The following CLXN variants were observed in gnomAD, a reference collection of about 807,000 sequenced individuals.
The protein encoded by CLXN is EF-hand calcium binding domain 1.
chr8:48,712,707 C>T, the CLXN span, among the ~76,000 whole-genome samples: 1 of 152,062 alleles, frequency 6.6e-6, no homozygotes, highest in East Asian at 1.9e-4. Flanking sequence ...TCCCACGAAA[C>T]TGAGAAAGTT....
At chr8:48,717,036 G>A in the CLXN span, among the ~76,000 whole-genome samples, 2 of 152,112 alleles carry the variant, frequency 1.3e-5, no homozygotes, top group Admixed American at 6.5e-5. Context: ...ATGGTGGCAC[G>A]TGCCTGTAAT....
At chr8:48,726,995 T>TCATCCATC in the CLXN span, among the ~76,000 whole-genome samples, 101 of 124,410 alleles carry the variant, frequency 8.1e-4, no homozygotes, top group South Asian at 2.8e-3. Flanking sequence ...ATCCATCCAC[T>TCATCCATC]CATCCATCCA....
At chr8:48,710,954 G>T in the CLXN span, 2 of 152,130 alleles carry the variant, frequency 1.3e-5, no homozygotes, top group Non-Finnish European at 2.9e-5. Flanking sequence ...TAAATGCCAT[G>T]GTTCCTACCA....
the CLXN span, among the ~76,000 whole-genome samples, chr8:48,725,847 A>G: frequency 6.6e-6 from 1 of 151,920 alleles, no homozygotes; most frequent in Non-Finnish European, 1.5e-5. Flanking sequence ...ATAAATAATA[A>G]AATTCTAATC....
chr8:48,730,847 G>A, the CLXN span, among the ~76,000 whole-genome samples: 3 of 151,998 alleles, frequency 2.0e-5, no homozygotes, highest in African/African-American at 4.8e-5. Flanking sequence ...AAATGTTTTT[G>A]TGGGAACAAA....
chr8:48,727,263 A>G, the CLXN span, among the ~76,000 whole-genome samples: 4 of 149,590 alleles, frequency 2.7e-5, no homozygotes, highest in Non-Finnish European at 4.4e-5. Context: ...TCCATCTCTC[A>G]TTACTAGACA....
At chr8:48,726,555 A>G in the CLXN span, among the ~76,000 whole-genome samples, 6 of 132,428 alleles carry the variant, frequency 4.5e-5, no homozygotes, top group African/African-American at 1.8e-4. Context: ...CCATCTACCT[A>G]CCCGCACATT....
the CLXN span, among the ~76,000 whole-genome samples, chr8:48,720,099 G>A: frequency 6.6e-6 from 1 of 152,088 alleles, no homozygotes; most frequent in Non-Finnish European, 1.5e-5. Flanking sequence ...TGTTATCTTT[G>A]TAAGCTGAAG....
At chr8:48,716,796 G>A in the CLXN span, among the ~76,000 whole-genome samples, 1 of 151,994 alleles carries the variant, frequency 6.6e-6, no homozygotes, top group Non-Finnish European at 1.5e-5. Context: ...AAAAAAGAAT[G>A]ACGAAATCCT....
the CLXN span, among the ~76,000 whole-genome samples, chr8:48,726,422 C>T: frequency 1.8e-3 from 267 of 150,978 alleles, no homozygotes; most frequent in African/African-American, 6.3e-3. Context: ...CCTCATCCAT[C>T]CATCCACTCA....
the CLXN span, among the ~76,000 whole-genome samples, chr8:48,733,860 G>A: frequency 4.6e-5 from 7 of 152,128 alleles, no homozygotes; most frequent in African/African-American, 1.7e-4. Context: ...TCAGTATTGT[G>A]TATAGCAGCT....
chr8:48,724,882 G>C, the CLXN span: 7 of 1,155,776 alleles, frequency 6.1e-6, no homozygotes, highest in Non-Finnish European at 7.5e-6. Context: ...TCTCCTTAGT[G>C]TAGAGACAGG....
At chr8:48,730,675 G>T in the CLXN span, 2 of 1,343,768 alleles carry the variant, frequency 1.5e-6, no homozygotes, top group African/African-American at 1.4e-5. Context: ...TGGAACACCT[G>T]TCCTGCATAA....
the CLXN span, among the ~76,000 whole-genome samples, chr8:48,714,744 A>G: frequency 1.3e-5 from 2 of 152,214 alleles, no homozygotes; most frequent in Non-Finnish European, 2.9e-5. Flanking sequence ...CTGATGAATG[A>G]TCTGGCAACA....
the CLXN span, chr8:48,729,967 G>T: frequency 8.5e-7 from 1 of 1,178,706 alleles, no homozygotes; most frequent in Non-Finnish European, 1.2e-6. Context: ...TCTTGATGCT[G>T]TACCCACAGG....
At chr8:48,734,283 T>A in the CLXN span, among the ~76,000 whole-genome samples, 22 of 152,312 alleles carry the variant, frequency 1.4e-4, no homozygotes, top group South Asian at 2.7e-3. Context: ...AACTTCTAAG[T>A]TTGCTCGACA....
the CLXN span, chr8:48,723,767 G>A: frequency 6.6e-6 from 1 of 152,420 alleles, no homozygotes; most frequent in Non-Finnish European, 1.5e-5. Context: ...CTGATAAGGG[G>A]GTACACAAGG....
chr8:48,712,791 G>T, the CLXN span, among the ~76,000 whole-genome samples: 28 of 152,088 alleles, frequency 1.8e-4, no homozygotes, highest in African/African-American at 6.8e-4. Context: ...ACAAGGTCAG[G>T]AGTTTGAGAC....
the CLXN span, chr8:48,724,282 G>A: frequency 3.3e-5 from 5 of 152,294 alleles, no homozygotes; most frequent in African/African-American, 9.7e-5. Flanking sequence ...CCAGAAAGGC[G>A]TTTCAATGCT....
Sources: allele counts gnomAD v4.1 joint callset (sites outside exome capture counted in the v4.1 genomes callset), GRCh38; gene constraint gnomAD v4.1.1; transcripts MANE v1.5; gene names NCBI Gene and HGNC (gene_info 2026-07-23, HGNC 2026-07-21).